PTDSS2: variants seen among roughly 807,000 people sequenced by gnomAD.
The protein encoded by PTDSS2 is PSS-2.
Under a neutral mutation model 64.7 loss-of-function variants are expected in PTDSS2, and 41 were observed. That is an observed-to-expected ratio of 0.63 (90% confidence interval 0.49 to 0.82). The LOEUF is 0.82. PTDSS2 is among the 40% of genes least tolerant of loss of function. PTDSS2 has a pLI of 0.00. For synonymous variants in PTDSS2, 297 were observed against 277.8 expected (o/e 1.07, Z -0.69); for missense variants, 485 against 650.0 (o/e 0.75, Z 2.76).
chr11:448,758 G>A (rs1043398489), upstream of PTDSS2, among the ~76,000 whole-genome samples: 10 of 152,234 alleles, frequency 6.6e-5, no homozygotes, highest in Non-Finnish European at 8.8e-5. Flanking sequence ...TAGTATGTGA[G>A]TTATATTTCA....
chr11:484,634 A>C (rs1340112264), intron 4 of PTDSS2, among the ~76,000 whole-genome samples: 2 of 146,200 alleles, frequency 1.4e-5, no homozygotes, highest in African/African-American at 2.6e-5. Context: ...TAAACAGTGC[A>C]TGGGCATGTG....
intron 2 of PTDSS2, among the ~76,000 whole-genome samples, chr11:469,888 G>A (rs963354510): frequency 6.6e-6 from 1 of 152,138 alleles, no homozygotes; most frequent in Non-Finnish European, 1.5e-5. Context: ...TCACGGGATT[G>A]CGTCCCAGTG....
chr11:452,069 G>A (rs1184320380), intron 1 of PTDSS2, among the ~76,000 whole-genome samples: 2 of 152,152 alleles, frequency 1.3e-5, no homozygotes, highest in Non-Finnish European at 2.9e-5. Flanking sequence ...CTGAGGTCCT[G>A]GAGCAAGGAG....
In PTDSS2 at chr11:479,895, A is replaced by G. The variant is rs1473858773; in HGVS notation, c.435+743A>G. On this transcript the variant is annotated intron_variant, in intron 4 of 11. Transcript: ENST00000308020. This position sits in a 1 kb window ranked among gnomAD's most constrained non-coding sequence, Gnocchi z 4.2. ...CTTACAAAGGACTTTATTATTCCCA[A>G]TCTTAAAACTCCATCAGTGCATGAT... 1.3e-5 allele frequency among the ~76,000 whole-genome samples: 2 copies of G among 152,186 alleles called. No individual in the cohort carries two copies. Among genetic ancestry groups the G allele is most frequent in the Non-Finnish European group, 2.9e-5 (2 of 68,030 alleles).
chr11:451,367 C>T (rs187029992), intron 1 of PTDSS2: 14 of 445,376 alleles, frequency 3.1e-5, no homozygotes, highest in African/African-American at 2.4e-4. Context: ...CTCCAGGTGC[C>T]GCTCCTACTC....
At chr11:456,657 A>G (rs1332091096) in intron 1 of PTDSS2, among the ~76,000 whole-genome samples, 3 of 152,170 alleles carry the variant, frequency 2.0e-5, no homozygotes, top group African/African-American at 7.2e-5. Context: ...CCAGGAGGAC[A>G]CGTTCTGTAA....
chr11:472,018 G>A (rs143455578), intron 2 of PTDSS2, among the ~76,000 whole-genome samples: 4,208 of 138,898 alleles, frequency 0.03, 79 homozygotes, highest in Middle Eastern at 0.09. Context: ...CGCGGATGGC[G>A]GCCTGGGGTG....
At chr11:474,187 C>T (rs1306740893) in intron 3 of PTDSS2, among the ~76,000 whole-genome samples, 3 of 152,236 alleles carry the variant, frequency 2.0e-5, no homozygotes, top group Non-Finnish European at 1.5e-5. Flanking sequence ...TCTCTCCAGG[C>T]CTTCTCTGGC....
intron 1 of PTDSS2, among the ~76,000 whole-genome samples, chr11:453,113 T>G (rs928115677): frequency 6.6e-6 from 1 of 152,150 alleles, no homozygotes; most frequent in African/African-American, 2.4e-5. Context: ...CTGTGACTGC[T>G]TGTCAGCCAT....
At chr11:473,608 C>T (rs1333780217) in intron 2 of PTDSS2, among the ~76,000 whole-genome samples, 2 of 152,086 alleles carry the variant, frequency 1.3e-5, no homozygotes, top group African/African-American at 4.8e-5. Context: ...TTCCCTGCCG[C>T]GGAGGAGGCA....
At position 479,233 on chromosome 11, in the gene PTDSS2, C is replaced by A; in HGVS notation, c.435+81C>A. ...GGCATGGTGACAAAGGAGGCCTTGC[C>A]CACACAGCCCTCGAGTGATGGGAGG... On this transcript the variant is annotated intron_variant, in intron 4 of 11. Transcript: ENST00000308020. The surrounding 1 kb of genome is among the most constrained non-coding windows in gnomAD (Gnocchi z 4.2). 1 of 1,159,498 alleles carries A rather than the reference C, an allele frequency of 8.6e-7. No individual in the cohort carries two copies. The highest frequency in any genetic ancestry group is 1.3e-6 in the Non-Finnish European group (1 of 765,540). The allele number at this position is 1,159,498 out of a possible 1,614,324, so 71.8% of individuals were successfully genotyped here. A position where few individuals can be genotyped will look rare whatever the true frequency, so the allele number is the denominator to read the frequency against.
In PTDSS2 at chr11:479,016, G is replaced by T. The variant is rs2133815747; in HGVS notation, c.368-69G>T. The T allele has an allele frequency of 7.4e-7, 1 of 1,342,486 alleles. No homozygotes were observed. Among genetic ancestry groups the T allele is most frequent in the African/African-American group, 1.4e-5 (1 of 69,514 alleles). 83.2% of individuals were successfully genotyped at this position (1,342,486 alleles called of 1,614,324 possible). A position where few individuals can be genotyped will look rare whatever the true frequency, so the allele number is the denominator to read the frequency against. On this transcript the variant is annotated intron_variant, in intron 3 of 11. Coordinates refer to ENST00000308020, the MANE Select transcript of PTDSS2 (RefSeq NM_030783.3). This position sits in a 1 kb window ranked among gnomAD's most constrained non-coding sequence, Gnocchi z 4.2. ...CTGGGTGTGAAGGAGCCAGGAGCCG[G>T]CCTGGGGCTGAGCGGGGCCGTGGAG... is the stretch of plus-strand genomic sequence containing the variant.
chr11:489,275 C>A, intron 8 of PTDSS2, 125 bp from the exon 9 acceptor site: 1 of 765,582 alleles, frequency 1.3e-6, no homozygotes, highest in Non-Finnish European at 2.1e-6. Flanking sequence ...GCGGGGTGAC[C>A]AAGAGCAGAG....
chr11:460,642 G>A lies in PTDSS2; in HGVS notation c.284+354G>A, dbSNP rs1846834120. 1 of 216,620 alleles carries A rather than the reference G, an allele frequency of 4.6e-6. No homozygotes were observed. The highest frequency in any genetic ancestry group is 9.3e-6 in the Non-Finnish European group (1 of 107,168). The allele number at this position is 216,620 out of a possible 1,614,324, so 13.4% of individuals were successfully genotyped here. On this transcript the variant is annotated intron_variant, in intron 2 of 11. Transcript: ENST00000308020. The surrounding 1 kb of genome is among the most constrained non-coding windows in gnomAD (Gnocchi z 5.8). ...TGAGTTTGGGCGTCTCCGGGGGTGAGGTTCCTGCGGTGGCCGCGTGCTGGT... is the reference window on the plus strand; with the variant it reads ...TGAGTTTGGGCGTCTCCGGGGGTGAAGTTCCTGCGGTGGCCGCGTGCTGGT...
intron 1 of PTDSS2, chr11:459,432 G>A (rs960412342): frequency 6.5e-6 from 1 of 153,134 alleles, no homozygotes; most frequent in African/African-American, 2.4e-5. Context: ...AGGCACAGAG[G>A]GGTGCATCAT....
At chr11:478,326 G>T (rs1037285559) in intron 3 of PTDSS2, among the ~76,000 whole-genome samples, 2 of 151,948 alleles carry the variant, frequency 1.3e-5, no homozygotes, top group Admixed American at 1.3e-4. Flanking sequence ...GGATGTGGTG[G>T]CACGTACCTG....
rs1312154533 is a variant in PTDSS2 at position 489,939 on chromosome 11, C to T, written c.1172C>T (p.Thr391Met). ...TGGCTGGTGGCGGCCATCACGGCCA[C>T]GGAGCTGCTCATCGTGGTGAAGTAC... ...QAWLVAAITA[T>M]ELLIVVKYDP... Residue 391 changes from threonine to methionine, a missense_variant, in exon 11 of 12, where the codon ACG becomes ATG. Transcript: ENST00000308020. The T allele has an allele frequency of 2.5e-6, 4 of 1,608,200 alleles. No homozygotes were observed. Among genetic ancestry groups the T allele is most frequent in the South Asian group, 1.1e-5 (1 of 90,400 alleles).
intron 1 of PTDSS2, chr11:458,581 C>T (rs1321832458): frequency 6.8e-6 from 1 of 147,396 alleles, no homozygotes; most frequent in East Asian, 2.0e-4. Flanking sequence ...GCACAATCAT[C>T]CTAGCGCACT....
rs965939327 is a variant in PTDSS2 at position 460,304 on chromosome 11, G to A, written c.284+16G>A. ...ACACCAAGAGGTAAGCTGCCCTCTTGTCCTGCCTTCTGAAACTGCCCTGTG... is the reference window on the plus strand; with the variant it reads ...ACACCAAGAGGTAAGCTGCCCTCTTATCCTGCCTTCTGAAACTGCCCTGTG... On this transcript the variant is annotated intron_variant, in intron 2 of 11. Coordinates refer to ENST00000308020, the MANE Select transcript of PTDSS2 (RefSeq NM_030783.3). The surrounding 1 kb of genome is among the most constrained non-coding windows in gnomAD (Gnocchi z 5.8). 3 of 1,605,636 alleles carry A rather than the reference G, an allele frequency of 1.9e-6. No homozygotes were observed. Among genetic ancestry groups the A allele is most frequent in the African/African-American group, 1.3e-5 (1 of 74,760 alleles).
Sources: allele counts gnomAD v4.1 joint callset (sites outside exome capture counted in the v4.1 genomes callset), GRCh38; gene constraint gnomAD v4.1.1; non-coding constraint Gnocchi (gnomAD v3.1); transcripts MANE v1.5; gene names NCBI Gene and HGNC (gene_info 2026-07-23, HGNC 2026-07-21).